The following ARAP2 variants were observed in gnomAD, a reference collection of about 807,000 sequenced individuals.
The protein encoded by ARAP2 is arf-GAP with Rho-GAP domain, ANK repeat and PH domain-containing protein 2.
Under a neutral mutation model 194.5 loss-of-function variants are expected in ARAP2, and 148 were observed. The observed-to-expected ratio is 0.76, with a 90% confidence interval of 0.67 to 0.87. The LOEUF (loss-of-function observed/expected upper bound fraction) is 0.87, where lower values mean the gene tolerates loss of function less well. Ranked by LOEUF, ARAP2 falls within the 40% of genes least tolerant of loss-of-function variation. ARAP2 has a pLI of 0.00. For synonymous variants in ARAP2, 695 were observed against 683.5 expected (o/e 1.02, Z -0.26); for missense variants, 2,128 against 1,989.7 (o/e 1.07, Z -1.32).
At chr4:36,084,588 TAC>T (rs1348665024) in intron 28 of ARAP2, among the ~76,000 whole-genome samples, 1 of 152,168 alleles carries the variant, frequency 6.6e-6, no homozygotes, top group Non-Finnish European at 1.5e-5. Flanking sequence ...ATTAAAAATT[TAC>T]AGTTGCCCTA....
chr4:36,218,945 T>C (rs1429157980), intron 2 of ARAP2, among the ~76,000 whole-genome samples: 2 of 152,286 alleles, frequency 1.3e-5, no homozygotes, highest in African/African-American at 4.8e-5. Flanking sequence ...CCAAAGAAGA[T>C]ATAAATGTAG....
At chr4:36,049,101 T>C (rs747638697) in intron 3 of ARAP2, among the ~76,000 whole-genome samples, 8 of 152,120 alleles carry the variant, frequency 5.3e-5, no homozygotes, top group Non-Finnish European at 1.0e-4. Flanking sequence ...TTGTGGCCTT[T>C]GTAGTTCCAC....
intron 1 of ARAP2, among the ~76,000 whole-genome samples, chr4:36,243,174 G>A (rs1373162313): frequency 6.6e-6 from 1 of 151,412 alleles, no homozygotes; most frequent in Non-Finnish European, 1.5e-5. Flanking sequence ...AATTACTTAC[G>A]GGCAAAGTTC....
chr4:36,017,768 T>C (rs1462749385), intron 6 of ARAP2, among the ~76,000 whole-genome samples: 1 of 151,914 alleles, frequency 6.6e-6, no homozygotes, highest in Non-Finnish European at 1.5e-5. Context: ...AGACACTTTG[T>C]AGAGACCTTT....
intron 20 of ARAP2, among the ~76,000 whole-genome samples, 185 bp downstream of exon 20, chr4:36,133,041 G>A (rs147892772): frequency 7.2e-4 from 109 of 151,824 alleles, no homozygotes; most frequent in African/African-American, 2.2e-3. Context: ...AAAATGTATA[G>A]TTTAAATGAG....
intron 6 of ARAP2, among the ~76,000 whole-genome samples, chr4:36,208,130 G>A (rs1318677410): frequency 1.3e-5 from 2 of 152,178 alleles, no homozygotes; most frequent in Non-Finnish European, 2.9e-5. Context: ...AGGGAGTGAT[G>A]GGGTGGCAGG....
chr4:36,128,451 G>T, intron 21 of ARAP2, 82 bp downstream of exon 21: 2 of 1,030,720 alleles, frequency 1.9e-6, no homozygotes, highest in East Asian at 2.7e-5. Context: ...GTATTAAAAG[G>T]CAAGCATGTA....
Position 36,160,442 on chromosome 4 carries a change from T to C in ARAP2, c.2442+17A>G, listed in dbSNP as rs748889118. 6.6e-7 allele frequency: 1 copy of C among 1,515,458 alleles called. No individual in the cohort carries two copies. The highest frequency in any genetic ancestry group is 1.3e-5 in the South Asian group (1 of 75,070). The allele number at this position is 1,515,458 out of a possible 1,614,324, so 93.9% of individuals were successfully genotyped here. A position where few individuals can be genotyped will look rare whatever the true frequency, so the allele number is the denominator to read the frequency against. Reference sequence around the variant, plus strand: ...AGACATTAAAATCCACGTCTGCTGTTATGTTTAATTGAATACCTTATTTAA... The same window carrying C: ...AGACATTAAAATCCACGTCTGCTGTCATGTTTAATTGAATACCTTATTTAA... On this transcript the variant is annotated intron_variant, in intron 13 of 32. Transcript: ENST00000303965.
chr4:36,057,694 T>G (rs1422705039), intron 2 of ARAP2, among the ~76,000 whole-genome samples: 5 of 152,132 alleles, frequency 3.3e-5, no homozygotes, highest in African/African-American at 9.7e-5. Context: ...TTTATTTGAT[T>G]TTTTAAAATT....
intron 5 of ARAP2, among the ~76,000 whole-genome samples, chr4:36,035,851 C>T (rs1196693395): frequency 6.6e-6 from 1 of 152,018 alleles, no homozygotes; most frequent in Non-Finnish European, 1.5e-5. Context: ...AACGTTTTTC[C>T]ATATGTCTGT....
intron 9 of ARAP2, among the ~76,000 whole-genome samples, chr4:36,008,092 C>A (rs764238287): frequency 2.6e-5 from 4 of 152,024 alleles, no homozygotes; most frequent in African/African-American, 4.8e-5. Flanking sequence ...TTGGAAGAAT[C>A]AACATCACTA....
Position 36,067,889 on chromosome 4 carries a change from A to T in ARAP2, c.*18T>A. 6.5e-7 allele frequency: 1 copy of T among 1,548,204 alleles called. No individual in the cohort carries two copies. The highest frequency in any genetic ancestry group is 8.7e-7 in the Non-Finnish European group (1 of 1,146,848). Reference sequence around the variant, plus strand: ...ACAATATTAAAAAAATAATCTGGGGAGCAATTCATTTTATTTCCTACTTCA... The same window carrying T: ...ACAATATTAAAAAAATAATCTGGGGTGCAATTCATTTTATTTCCTACTTCA... On this transcript the variant is annotated 3_prime_UTR_variant, in exon 33 of 33. Transcript: ENST00000303965.
rs1730019059 is a variant in ARAP2 at position 36,147,858 on chromosome 4, G to T, written c.3001-112C>A. On this transcript the variant is annotated intron_variant, in intron 17 of 32. Coordinates refer to ENST00000303965, the MANE Select transcript of ARAP2 (RefSeq NM_015230.4). Reference sequence around the variant, plus strand: ...ATTATCTTAGTTTTTCAATTTTAAAGATTCAAAGGTAACACCAAATTCAAA... The same window carrying T: ...ATTATCTTAGTTTTTCAATTTTAAATATTCAAAGGTAACACCAAATTCAAA... 49 of 937,714 alleles carry T rather than the reference G, an allele frequency of 5.2e-5. 3 individuals carry two copies. The South Asian group carries it at 9.0e-4, about 17-fold the overall frequency. 58.1% of individuals were successfully genotyped at this position (937,714 alleles called of 1,614,324 possible).
chr4:36,228,755 T>G lies in ARAP2; in HGVS notation c.732A>C (p.Pro244=). Residue 244 remains proline (P), a synonymous_variant, in exon 2 of 33, where the codon CCA becomes CCC. Transcript: ENST00000303965. Reference sequence around the variant, plus strand: ...TCATTTCTCCTTGAAACTTAAAGAATGGGGATGGTGGTGATCCTTCTAATA... The same window carrying G: ...TCATTTCTCCTTGAAACTTAAAGAAGGGGGATGGTGGTGATCCTTCTAATA... ...NGLLEGSPPS[P]FFKFQGEMIV... 1 of 1,614,084 alleles carries G rather than the reference T, an allele frequency of 6.2e-7. No homozygotes were observed. The highest frequency in any genetic ancestry group is 8.5e-7 in the Non-Finnish European group (1 of 1,180,008).
At chr4:36,144,036 T>C (rs1025282509) in intron 19 of ARAP2, among the ~76,000 whole-genome samples, 1 of 151,804 alleles carries the variant, frequency 6.6e-6, no homozygotes, top group Non-Finnish European at 1.5e-5. Context: ...ATATCTTCCA[T>C]ATATGAGGGG....
chr4:36,138,949 T>C (rs1727523801), intron 19 of ARAP2, among the ~76,000 whole-genome samples: 1 of 151,714 alleles, frequency 6.6e-6, no homozygotes, highest in Admixed American at 6.6e-5. Context: ...CATGTGCTTG[T>C]TGGCTATTCA....
chr4:36,232,010 A>C lies in ARAP2; in HGVS notation c.-159-2365T>G, dbSNP rs567560132. ...GACACCAGAGAGTTTTCTTTCCCCC[A>C]GGCCCAGAGCCCTCTATGTAAGGAC... On this transcript the variant is annotated intron_variant, in intron 1 of 32. Coordinates refer to ENST00000303965, the MANE Select transcript of ARAP2 (RefSeq NM_015230.4). Among the ~76,000 whole-genome samples, 6 of 152,328 alleles carry C rather than the reference A, an allele frequency of 3.9e-5. No individual in the cohort carries two copies. In the East Asian group the frequency reaches 1.2e-3, roughly 29 times the overall value.
chr4:36,118,078 TTTGTGGGGAAAACA>T (rs1252383176), intron 24 of ARAP2, among the ~76,000 whole-genome samples: 1 of 151,158 alleles, frequency 6.6e-6, no homozygotes, highest in Non-Finnish European at 1.5e-5. Flanking sequence ...GGAAAAAAAT[TTTGTGGGGAAAACA>T]TTAAAGATGA....
At position 36,213,510 on chromosome 4, in the gene ARAP2, T is replaced by C. The variant is rs116461985; in HGVS notation, c.965-191A>G. Reference sequence around the variant, plus strand: ...CATCGTCTTCTTGATATAACACACATGGTATCCACCACTTGCTTCACAAAC... The same window carrying C: ...CATCGTCTTCTTGATATAACACACACGGTATCCACCACTTGCTTCACAAAC... On this transcript the variant is annotated intron_variant, in intron 3 of 32. Coordinates refer to ENST00000303965, the MANE Select transcript of ARAP2 (RefSeq NM_015230.4). 7.5e-3 allele frequency among the ~76,000 whole-genome samples: 1,141 copies of C among 152,220 alleles called. 22 individuals carry two copies. The highest frequency in any genetic ancestry group is 0.026 in the African/African-American group (1,092 of 41,582).
Sources: gnomAD v4.1 joint callset for allele counts (sites outside exome capture counted in the v4.1 genomes callset) on GRCh38, gnomAD v4.1.1 for gene constraint, MANE v1.5 for transcripts, NCBI Gene and HGNC (gene_info 2026-07-23, HGNC 2026-07-21) for gene names.